The following SNTG2 variants were observed in gnomAD, a reference collection of about 807,000 sequenced individuals.
The protein encoded by SNTG2 is syntrophin gamma 2.
A neutral mutation model predicts 70.9 loss-of-function variants in SNTG2; 74 were observed. The ratio of observed to expected loss-of-function variants is 1.04; its 90% confidence interval spans 0.86 to 1.27. SNTG2 has a LOEUF of 1.27. Among genes scored for constraint, SNTG2 ranks in the 50% most tolerant of loss-of-function variants. SNTG2 has a pLI of 0.00. For missense variants in SNTG2, 717 were observed against 690.7 expected, an observed-to-expected ratio of 1.04 and a Z score of -0.43; for synonymous variants, 278 against 273.8, an observed-to-expected ratio of 1.02 and a Z score of -0.15.
intron 11 of SNTG2, 86 bp downstream of exon 11, chr2:1,239,862 G>A: frequency 2.7e-6 from 4 of 1,489,206 alleles, no homozygotes; most frequent in Non-Finnish European, 3.7e-6. Flanking sequence ...ATCTCGAAAA[G>A]CAGTCTCTGG....
At chr2:1,269,538 G>A (rs1384668956) in intron 14 of SNTG2, among the ~76,000 whole-genome samples, 2 of 152,136 alleles carry the variant, frequency 1.3e-5, no homozygotes, top group South Asian at 2.1e-4. Flanking sequence ...AAGGTATAGG[G>A]TAGGGTGGGA....
intron 1 of SNTG2, among the ~76,000 whole-genome samples, chr2:1,052,517 A>G (rs1403882873): frequency 2.0e-5 from 3 of 152,050 alleles, no homozygotes; most frequent in African/African-American, 4.8e-5. Context: ...CTTCCAGAGA[A>G]CTGTTCTTTG....
At chr2:1,095,661 T>G (rs748157893) in intron 2 of SNTG2, among the ~76,000 whole-genome samples, 4 of 152,148 alleles carry the variant, frequency 2.6e-5, no homozygotes. Context: ...CAAATGACAG[T>G]TTTAAAATGT....
chr2:1,088,090 C>G (rs1463589095), intron 2 of SNTG2, among the ~76,000 whole-genome samples: 1 of 152,150 alleles, frequency 6.6e-6, no homozygotes, highest in Non-Finnish European at 1.5e-5. Context: ...TAACCTTAAT[C>G]TTTATTATTT....
At chr2:1,193,347 G>T (rs1164006859) in intron 8 of SNTG2, among the ~76,000 whole-genome samples, 2 of 152,148 alleles carry the variant, frequency 1.3e-5, no homozygotes, top group Non-Finnish European at 2.9e-5. Flanking sequence ...TAGAGGCTCC[G>T]CAGGCAGCCG....
intron 16 of SNTG2, among the ~76,000 whole-genome samples, chr2:1,342,099 A>C (rs1573005509): frequency 6.6e-6 from 1 of 152,184 alleles, no homozygotes; most frequent in Admixed American, 6.5e-5. Context: ...TTAATATTTA[A>C]AACCTTCTTG....
intron 2 of SNTG2, among the ~76,000 whole-genome samples, chr2:1,091,891 G>A (rs1218382139): frequency 6.6e-6 from 1 of 152,196 alleles, no homozygotes; most frequent in Non-Finnish European, 1.5e-5. Flanking sequence ...CTGAGAAATA[G>A]TTTACTTACT....
intron 14 of SNTG2, among the ~76,000 whole-genome samples, chr2:1,289,618 G>T (rs533163112): frequency 6.6e-6 from 1 of 152,262 alleles, no homozygotes; most frequent in African/African-American, 2.4e-5. Context: ...GTTTGGAGTA[G>T]GACCCTTATT....
chr2:1,213,154 G>T (rs1446812268), intron 9 of SNTG2, among the ~76,000 whole-genome samples: 2 of 152,162 alleles, frequency 1.3e-5, no homozygotes, highest in African/African-American at 4.8e-5. Context: ...ATACATGTTT[G>T]CATTATGGAA....
Position 1,321,280 on chromosome 2 carries a change from G to A in SNTG2, c.1488+4905G>A, listed in dbSNP as rs148565435. ...TATATATCCATGAAGCAGAGGTTGTGCCTTGAAAGCAGGGCACATTTTACT... is the reference window on the plus strand; with the variant it reads ...TATATATCCATGAAGCAGAGGTTGTACCTTGAAAGCAGGGCACATTTTACT... On this transcript the variant is annotated intron_variant, in intron 16 of 16. Transcript: ENST00000308624. Among the ~76,000 whole-genome samples the A allele has an allele frequency of 4.7e-4, 71 of 152,290 alleles. No individual in the cohort carries two copies. The East Asian group carries it at 0.013, about 27-fold the overall frequency.
intron 16 of SNTG2, among the ~76,000 whole-genome samples, chr2:1,345,293 G>A (rs1288799665): frequency 3.2e-3 from 1 of 314 alleles, no homozygotes; most frequent in African/African-American, 0.022. Context: ...ACATGCATAG[G>A]AAGAGTGGAC....
At chr2:1,085,142 T>A (rs1253939748) in intron 2 of SNTG2, among the ~76,000 whole-genome samples, 1 of 152,138 alleles carries the variant, frequency 6.6e-6, no homozygotes, top group Non-Finnish European at 1.5e-5. Flanking sequence ...TAACCATTAT[T>A]TTTTTTCCTC....
chr2:1,077,824 A>G (rs562155522), intron 1 of SNTG2, among the ~76,000 whole-genome samples: 1 of 152,286 alleles, frequency 6.6e-6, no homozygotes, highest in East Asian at 1.9e-4. Flanking sequence ...TCAAAGCATT[A>G]CTACATTGAG....
intron 2 of SNTG2, among the ~76,000 whole-genome samples, chr2:1,096,054 T>C (rs766116354): frequency 3.9e-5 from 6 of 152,188 alleles, no homozygotes; most frequent in Non-Finnish European, 8.8e-5. Flanking sequence ...CATTGTGAGA[T>C]GCATTCTGGC....
chr2:989,665 A>G (rs1443115319), intron 1 of SNTG2, among the ~76,000 whole-genome samples: 1 of 152,176 alleles, frequency 6.6e-6, no homozygotes, highest in Non-Finnish European at 1.5e-5. Context: ...TTCTCTCATA[A>G]TATATTTGCT....
intron 13 of SNTG2, 68 bp from the exon 14 acceptor site, chr2:1,267,297 A>T (rs565714159): frequency 1.0e-5 from 15 of 1,441,906 alleles, no homozygotes; most frequent in Non-Finnish European, 1.3e-5. Context: ...TTCTCCCCAC[A>T]CCAGGGCCCT....
chr2:962,069 GTAACC>G (rs1660366224), intron 1 of SNTG2, among the ~76,000 whole-genome samples: 1 of 152,098 alleles, frequency 6.6e-6, no homozygotes, highest in South Asian at 2.1e-4. Flanking sequence ...GGAAATACTG[GTAACC>G]TAAGATACAT....
rs559996231 is a variant in SNTG2 at position 973,331 on chromosome 2, G to A, written c.72+22263G>A. On this transcript the variant is annotated intron_variant, in intron 1 of 16. Transcript: ENST00000308624. ...TATGAAAGTTATTTTTGCTGAGTAT[G>A]GATTTCTGGATTGAAAGTTTTTTCA... 5.3e-5 allele frequency among the ~76,000 whole-genome samples: 8 copies of A among 152,196 alleles called. No individual in the cohort carries two copies. The South Asian group carries it at 1.5e-3, about 28-fold the overall frequency.
At chr2:1,071,678 G>A (rs1339724364) in intron 1 of SNTG2, among the ~76,000 whole-genome samples, 5 of 151,492 alleles carry the variant, frequency 3.3e-5, no homozygotes, top group Non-Finnish European at 1.5e-5. Context: ...AGAAGATCAA[G>A]CTTAGTGAGG....
Sources: gnomAD v4.1 joint callset for allele counts (sites outside exome capture counted in the v4.1 genomes callset) on GRCh38, gnomAD v4.1.1 for gene constraint, MANE v1.5 for transcripts, NCBI Gene and HGNC (gene_info 2026-07-23, HGNC 2026-07-21) for gene names.